Variants in KCNS3 observed in about 807,000 individuals in gnomAD.
The protein encoded by KCNS3 is potassium voltage-gated channel modifier subfamily S member 3.
In KCNS3, 13 loss-of-function variants were observed where a neutral mutation model predicts 31.0. The observed-to-expected ratio is 0.42, with a 90% CI of 0.27 to 0.67. The LOEUF (loss-of-function observed/expected upper bound fraction) is 0.67, where lower values mean the gene tolerates loss of function less well. Ranked by LOEUF, KCNS3 falls within the 30% of genes least tolerant of loss-of-function variation. KCNS3 has a pLI of 0.25. For missense variants in KCNS3, 545 were observed against 622.4 expected (o/e 0.88, Z 1.32); for synonymous variants, 238 against 241.5 (o/e 0.99, Z 0.13).
At chr2:17,920,350 G>T (rs1331070482) in intron 2 of KCNS3, among the ~76,000 whole-genome samples, 1 of 152,198 alleles carries the variant, frequency 6.6e-6, no homozygotes, top group Non-Finnish European at 1.5e-5. Context: ...CCATGAGCTT[G>T]TGTATATGTG....
intron 1 of KCNS3, among the ~76,000 whole-genome samples, chr2:17,883,537 G>C (rs965652673): frequency 5.9e-5 from 9 of 152,122 alleles, no homozygotes; most frequent in African/African-American, 2.2e-4. Flanking sequence ...TTAGATGAGA[G>C]GGTCAGAGAA....
In KCNS3 at chr2:17,932,366, C is replaced by T. The variant is rs909516140; in HGVS notation, c.1358C>T (p.Thr453Ile). The part of the protein sequence containing the change: ...IYAQRMHTFI[T>I]SLSSVGIVVS... Reference sequence around the variant, plus strand: ...GCACAGCGGATGCACACCTTCATTACCAGTCTCTCTTCTGTAGGCATTGTG... The same window carrying T: ...GCACAGCGGATGCACACCTTCATTATCAGTCTCTCTTCTGTAGGCATTGTG... Residue 453 changes from threonine (T) to isoleucine (I), a missense_variant, in exon 3 of 3, where the codon ACC (threonine) becomes ATC (isoleucine). Thr to Ile is a moderately conservative substitution (Grantham distance 89, BLOSUM62 -1). Transcript: ENST00000304101. The T allele has an allele frequency of 6.2e-7, 1 of 1,614,122 alleles. No homozygotes were observed. Among genetic ancestry groups the T allele is most frequent in the Non-Finnish European group, 8.5e-7 (1 of 1,179,996 alleles).
At chr2:17,894,128 C>T (rs1267650045) in intron 1 of KCNS3, among the ~76,000 whole-genome samples, 1 of 151,844 alleles carries the variant, frequency 6.6e-6, no homozygotes, top group Non-Finnish European at 1.5e-5. Context: ...TTTTACAGTC[C>T]TTCATTTATG....
At chr2:17,923,097 C>T (rs1191284282) in intron 2 of KCNS3, among the ~76,000 whole-genome samples, 1 of 152,134 alleles carries the variant, frequency 6.6e-6, no homozygotes, top group African/African-American at 2.4e-5. Context: ...CTCCACATCC[C>T]TGCCAACACC....
At position 17,931,591 on chromosome 2, in the gene KCNS3, G is replaced by C. The variant is rs551952573; in HGVS notation, c.583G>C (p.Val195Leu). The C allele has an allele frequency of 5.6e-6, 9 of 1,614,188 alleles. 1 individual carries two copies. The South Asian group carries it at 8.8e-5, about 16-fold the overall frequency. ...TATCGCTATCTCCTCCTTGAGCGTG[G>C]TGCTGGCCTCCATCGTGGCCATGTG... ...KLIAISSLSV[V>L]LASIVAMCVH... is the part of the protein sequence containing the mutation. The change falls in exon 3 of 3, where the codon GTG becomes CTG. Residue 195 changes from valine to leucine, a missense_variant. By Grantham distance (32) the Val-to-Leu change is conservative. Coordinates refer to ENST00000304101, the MANE Select transcript of KCNS3 (RefSeq NM_002252.5). The surrounding 1 kb of genome is among the most constrained non-coding windows in gnomAD (Gnocchi z 5.4).
In KCNS3 at chr2:17,932,358, C is replaced by T. The variant is rs377585654; in HGVS notation, c.1350C>T (p.Thr450=). 1.4e-5 allele frequency: 23 copies of T among 1,613,984 alleles called. No homozygotes were observed. Among genetic ancestry groups the T allele is most frequent in the Non-Finnish European group, 1.9e-5 (23 of 1,180,008 alleles). The part of the protein sequence containing the change: ...IRDIYAQRMH[T]FITSLSSVGI... ...ATATATATGCACAGCGGATGCACAC[C>T]TTCATTACCAGTCTCTCTTCTGTAG... The change falls in exon 3 of 3, where the codon ACC becomes ACT. Residue 450 remains threonine, a synonymous_variant. Coordinates refer to ENST00000304101, the MANE Select transcript of KCNS3 (RefSeq NM_002252.5).
intron 1 of KCNS3, among the ~76,000 whole-genome samples, chr2:17,897,698 C>T (rs932761810): frequency 6.6e-6 from 1 of 152,108 alleles, no homozygotes; most frequent in Admixed American, 6.6e-5. Context: ...GCATAATTTG[C>T]AATTTTTTTC....
chr2:17,914,134 G>A (rs1662535388), intron 1 of KCNS3, among the ~76,000 whole-genome samples: 1 of 152,172 alleles, frequency 6.6e-6, no homozygotes, highest in Non-Finnish European at 1.5e-5. Flanking sequence ...TCCCAGAGCT[G>A]ATCAAACTGT....
chr2:17,881,951 C>G (rs1674654240), intron 1 of KCNS3, among the ~76,000 whole-genome samples: 1 of 152,132 alleles, frequency 6.6e-6, no homozygotes, highest in South Asian at 2.1e-4. Context: ...GGAAGATAAA[C>G]CATAAAGATC....
intron 1 of KCNS3, among the ~76,000 whole-genome samples, chr2:17,914,557 C>G (rs1662546447): frequency 6.6e-6 from 1 of 152,228 alleles, no homozygotes; most frequent in Non-Finnish European, 1.5e-5. Context: ...TACCAGCTGC[C>G]TTTCATTATC....
At chr2:17,892,849 A>C (rs923532883) in intron 1 of KCNS3, among the ~76,000 whole-genome samples, 3 of 152,176 alleles carry the variant, frequency 2.0e-5, no homozygotes, top group Admixed American at 6.5e-5. Context: ...CGGAGGGTGC[A>C]ATGGACTCCA....
At chr2:17,927,583 G>C (rs765069461) in intron 2 of KCNS3, among the ~76,000 whole-genome samples, 139 of 152,310 alleles carry the variant, frequency 9.1e-4, no homozygotes, top group Non-Finnish European at 1.6e-3. Flanking sequence ...AGGGGAACAG[G>C]CATGTCTTAC....
intron 1 of KCNS3, 47 bp downstream of exon 1, chr2:17,878,853 C>T (rs1674571527): frequency 6.6e-6 from 1 of 152,652 alleles, no homozygotes. Flanking sequence ...GGAGACTTCT[C>T]CGGGCGACCC....
At chr2:17,900,914 C>G (rs1662158648) in intron 1 of KCNS3, among the ~76,000 whole-genome samples, 1 of 152,072 alleles carries the variant, frequency 6.6e-6, no homozygotes, top group Non-Finnish European at 1.5e-5. Flanking sequence ...TTTTATATCC[C>G]AAGCACAGAG....
chr2:17,932,553 A>C lies in KCNS3; in HGVS notation c.*69A>C. 6.7e-7 allele frequency: 1 copy of C among 1,486,220 alleles called. No homozygotes were observed. The highest frequency in any genetic ancestry group is 9.0e-7 in the Non-Finnish European group (1 of 1,105,508). The allele number at this position is 1,486,220 out of a possible 1,614,324, so 92.1% of individuals were successfully genotyped here. A position where few individuals can be genotyped will look rare whatever the true frequency, so the allele number is the denominator to read the frequency against. ...AGGTTAACACAGCTTTATAAACCTC[A>C]GTGGGTTCGTTAAAATCATTTAATT... On this transcript the variant is annotated 3_prime_UTR_variant, in exon 3 of 3. Transcript: ENST00000304101.
chr2:17,883,893 T>A (rs1044058185), intron 1 of KCNS3, among the ~76,000 whole-genome samples: 3 of 152,076 alleles, frequency 2.0e-5, no homozygotes, highest in Non-Finnish European at 4.4e-5. Flanking sequence ...TAAGAAAATG[T>A]GGCACGTATA....
chr2:17,929,927 G>C (rs190095920), intron 2 of KCNS3, among the ~76,000 whole-genome samples: 250 of 152,296 alleles, frequency 1.6e-3, no homozygotes, highest in African/African-American at 5.6e-3. Flanking sequence ...GACATAATGT[G>C]TAAAGGCCTC....
rs781284399 is a variant in KCNS3 at position 17,932,450 on chromosome 2, A to G, written c.1442A>G (p.Asn481Ser). 1.2e-6 allele frequency: 2 copies of G among 1,613,292 alleles called. No homozygotes were observed. Among genetic ancestry groups the G allele is most frequent in the Non-Finnish European group, 1.7e-6 (2 of 1,179,632 alleles). ...ATTGAAGACAATGAGGACATTTGTA[A>G]CACCACCTCCTTGGAGAATTGCACA... ...SSIEDNEDIC[N>S]TTSLENCTAK Residue 481 changes from asparagine to serine, a missense_variant, in exon 3 of 3, where the codon AAC (asparagine) becomes AGC (serine). Asn to Ser is a conservative substitution (Grantham distance 46). Coordinates refer to ENST00000304101, the MANE Select transcript of KCNS3 (RefSeq NM_002252.5).
At chr2:17,878,996 C>A (rs1432175096) in intron 1 of KCNS3, among the ~76,000 whole-genome samples, 190 bp downstream of exon 1, 1 of 152,246 alleles carries the variant, frequency 6.6e-6, no homozygotes, top group Non-Finnish European at 1.5e-5. Context: ...CCGCGGCGCC[C>A]GCATCCTCTG....
Sources: gnomAD v4.1 joint callset for allele counts (sites outside exome capture counted in the v4.1 genomes callset) on GRCh38, gnomAD v4.1.1 for gene constraint, Gnocchi (gnomAD v3.1) non-coding constraint, MANE v1.5 for transcripts, NCBI Gene and HGNC (gene_info 2026-07-23, HGNC 2026-07-21) for gene names.